The following MRTFA variants were observed in gnomAD, a reference collection of about 807,000 sequenced individuals.
MRTFA encodes the protein myocardin related transcription factor A.
A neutral mutation model predicts 83.5 loss-of-function variants in MRTFA; 20 were observed. That is an observed-to-expected ratio of 0.24 (90% CI 0.17 to 0.35). The LOEUF (loss-of-function observed/expected upper bound fraction) is 0.35. Among genes scored for constraint, MRTFA ranks in the 10% least tolerant of loss-of-function variants. The pLI is 1.00. For synonymous variants in MRTFA, 659 were observed against 541.2 expected (o/e 1.22, Z -3.02); for missense variants, 1,200 against 1,224.7 (o/e 0.98, Z 0.30).
At position 40,411,367 on chromosome 22, in the gene MRTFA, C is replaced by T. The variant is rs1011989800; in HGVS notation, c.*23G>A. On this transcript the variant is annotated 3_prime_UTR_variant, in exon 15 of 15. Coordinates refer to ENST00000355630, the MANE Select transcript of MRTFA (RefSeq NM_020831.6). The stretch of plus-strand genomic sequence containing the variant: ...AGTACCCTGGCTCCCAGCCCCTTCC[C>T]CACCCCGTCTTGAGCCAGAGAGCTA... 4.6e-6 allele frequency: 7 copies of T among 1,533,330 alleles called. No individual in the cohort carries two copies. The African/African-American group carries it at 9.6e-5, about 21-fold the overall frequency. 95.0% of individuals were successfully genotyped at this position (1,533,330 alleles called of 1,614,324 possible). A position where few individuals can be genotyped will look rare whatever the true frequency, so the allele number is the denominator to read the frequency against.
At chr22:40,635,786 G>C (rs1332084861) in intron 1 of MRTFA, among the ~76,000 whole-genome samples, 2 of 152,150 alleles carry the variant, frequency 1.3e-5, no homozygotes, top group Non-Finnish European at 2.9e-5. Context: ...TATGCGATTG[G>C]TGCTATTATC....
At chr22:40,513,165 G>C (rs1234103429) in intron 3 of MRTFA, among the ~76,000 whole-genome samples, 2 of 152,212 alleles carry the variant, frequency 1.3e-5, no homozygotes, top group African/African-American at 2.4e-5. Flanking sequence ...TAAGCCAAAA[G>C]TGTTCAGGAG....
rs138065542 is a variant in MRTFA at position 40,443,048 on chromosome 22, T to A, written c.308-7494A>T. Among the ~76,000 whole-genome samples the A allele has an allele frequency of 4.9e-3, 748 of 152,046 alleles. 3 individuals are homozygous for A. The highest frequency in any genetic ancestry group is 0.024 in the Middle Eastern group (7 of 294). ...GGGGGGATCACTTGAGGTCAGGAGT[T>A]CGAAACCAGCCTGGCCAACATGGCA... is the stretch of plus-strand genomic sequence containing the variant. On this transcript the variant is annotated intron_variant, in intron 4 of 14. Coordinates refer to ENST00000355630, the MANE Select transcript of MRTFA (RefSeq NM_020831.6).
chr22:40,498,271 ATATTTT>A (rs1285621083), intron 3 of MRTFA, among the ~76,000 whole-genome samples: 2 of 81,624 alleles, frequency 2.5e-5, no homozygotes, highest in African/African-American at 1.1e-4. Flanking sequence ...ATATATATAT[ATATTTT>A]TTTTTTTTTT....
At chr22:40,418,181 C>T (rs139548670) in intron 12 of MRTFA, among the ~76,000 whole-genome samples, 193 bp downstream of exon 12, 215 of 152,318 alleles carry the variant, frequency 1.4e-3, no homozygotes, top group African/African-American at 4.6e-3. Context: ...CCAATGGCTC[C>T]GCCCTACAGC....
chr22:40,632,092 G>C (rs1439114688), intron 1 of MRTFA, among the ~76,000 whole-genome samples: 1 of 152,178 alleles, frequency 6.6e-6, no homozygotes, highest in Non-Finnish European at 1.5e-5. Context: ...TTGGTCTTTT[G>C]TATTACATGC....
intron 3 of MRTFA, among the ~76,000 whole-genome samples, chr22:40,514,635 G>A (rs997411699): frequency 3.8e-5 from 5 of 129,914 alleles, no homozygotes; most frequent in South Asian, 4.8e-4. Flanking sequence ...CACCATGCCC[G>A]GGTAATTTTT....
chr22:40,561,384 G>A (rs368113784), intron 2 of MRTFA, among the ~76,000 whole-genome samples: 9 of 151,830 alleles, frequency 5.9e-5, no homozygotes, highest in East Asian at 5.8e-4. Context: ...CCAGCTACTC[G>A]GGAGGCTGAG....
chr22:40,629,938 A>C (rs2056624157), intron 1 of MRTFA, among the ~76,000 whole-genome samples: 1 of 152,038 alleles, frequency 6.6e-6, no homozygotes, highest in Admixed American at 6.6e-5. Flanking sequence ...TAGAGGTGGA[A>C]CTAGGGCCCA....
rs752706673 is a variant in MRTFA, at chr22:40,418,481, C to A, written c.2257G>T (p.Val753Phe). The change falls in exon 12 of 15, where the codon GTT (valine) becomes TTT (phenylalanine). Residue 753 changes from valine (V) to phenylalanine (F), a missense_variant. Coordinates refer to ENST00000355630, the MANE Select transcript of MRTFA (RefSeq NM_020831.6). ...TCGGTGATGAGGGTGGGAGGTGCAA[C>A]CCCCTTGATGAGGCTGGGGCCCTGA... 1.9e-6 allele frequency: 3 copies of A among 1,612,948 alleles called. No homozygotes were observed. Among genetic ancestry groups the A allele is most frequent in the Admixed American group, 1.7e-5 (1 of 59,786 alleles).
intron 3 of MRTFA, among the ~76,000 whole-genome samples, chr22:40,534,082 T>C (rs909911540): frequency 6.6e-6 from 1 of 152,142 alleles, no homozygotes; most frequent in Admixed American, 6.5e-5. Context: ...TCCAAACAAC[T>C]CAAGCTCATG....
intron 3 of MRTFA, among the ~76,000 whole-genome samples, chr22:40,480,541 T>C (rs982592988): frequency 6.6e-6 from 1 of 152,106 alleles, no homozygotes; most frequent in African/African-American, 2.4e-5. Context: ...GTGAATAGTA[T>C]GGAACATGTA....
intron 2 of MRTFA, among the ~76,000 whole-genome samples, chr22:40,580,785 GTGTT>G (rs1000036088): frequency 1.3e-5 from 2 of 152,114 alleles, no homozygotes; most frequent in Non-Finnish European, 2.9e-5. Flanking sequence ...ATTGACTGAT[GTGTT>G]TGTTTAAAAG....
rs1356383117 is a variant in MRTFA, at chr22:40,636,577, G to C, written c.-183C>G. 2.0e-5 allele frequency: 3 copies of C among 152,294 alleles called. No individual in the cohort carries two copies. In the East Asian group the frequency reaches 5.8e-4, roughly 29 times the overall value. 9.4% of individuals were successfully genotyped at this position (152,294 alleles called of 1,614,324 possible). A position where few individuals can be genotyped will look rare whatever the true frequency, so the allele number is the denominator to read the frequency against. ...GCTCACTGTCCAGCCCGGGCGCACGGAGCTGAGAAGTCGCCGCCAGCGGAG... is the reference window on the plus strand; with the variant it reads ...GCTCACTGTCCAGCCCGGGCGCACGCAGCTGAGAAGTCGCCGCCAGCGGAG... On this transcript the variant is annotated 5_prime_UTR_variant, in exon 1 of 15. Transcript: ENST00000355630.
intron 3 of MRTFA, among the ~76,000 whole-genome samples, chr22:40,526,950 C>A (rs979597450): frequency 6.6e-6 from 1 of 151,804 alleles, no homozygotes; most frequent in East Asian, 1.9e-4. Context: ...AAATAAAAAA[C>A]TTATTGGGGC....
chr22:40,457,011 T>C (rs1462287001), intron 4 of MRTFA, among the ~76,000 whole-genome samples: 1 of 152,192 alleles, frequency 6.6e-6, no homozygotes, highest in Admixed American at 6.5e-5. Flanking sequence ...CTAGGTTGCA[T>C]ATTTGGTGAA....
At chr22:40,520,858 A>G (rs1469801730) in intron 3 of MRTFA, among the ~76,000 whole-genome samples, 1 of 152,202 alleles carries the variant, frequency 6.6e-6, no homozygotes, top group Admixed American at 6.5e-5. Flanking sequence ...AAAAGCTGCT[A>G]TGAACATTTG....
chr22:40,518,541 G>C (rs762866967), intron 3 of MRTFA, among the ~76,000 whole-genome samples: 12 of 151,668 alleles, frequency 7.9e-5, no homozygotes, highest in South Asian at 2.1e-4. Flanking sequence ...CGCCTGTAAT[G>C]CCAGCACTTT....
At chr22:40,533,954 C>T (rs1023351185) in intron 3 of MRTFA, 13 of 266,692 alleles carry the variant, frequency 4.9e-5, no homozygotes, top group African/African-American at 2.8e-4. Flanking sequence ...TATAAAGAGA[C>T]TTTCAGAAAA....
Sources: gnomAD v4.1 joint callset for allele counts (sites outside exome capture counted in the v4.1 genomes callset) on GRCh38, gnomAD v4.1.1 for gene constraint, MANE v1.5 for transcripts, NCBI Gene and HGNC (gene_info 2026-07-23, HGNC 2026-07-21) for gene names.